Variants in PCDH15 observed in about 807,000 individuals in gnomAD.
The protein encoded by PCDH15 is protocadherin related 15, also known as protocadherin-15.
A neutral mutation model predicts 178.5 loss-of-function variants in PCDH15; 129 were observed. The observed-to-expected ratio is 0.72, with a 90% confidence interval of 0.63 to 0.84. The LOEUF (loss-of-function observed/expected upper bound fraction) is 0.84, where lower values mean the gene tolerates loss of function less well. Among genes scored for constraint, PCDH15 ranks in the 40% least tolerant of loss-of-function variants. The pLI is 0.00. For missense variants in PCDH15, 2,230 were observed against 2,099.9 expected, an observed-to-expected ratio of 1.06 and a Z score of -1.21; for synonymous variants, 800 against 732.0, an observed-to-expected ratio of 1.09 and a Z score of -1.50.
At chr10:55,103,581 G>A (rs1481235689) in intron 2 of PCDH15, among the ~76,000 whole-genome samples, 1 of 152,090 alleles carries the variant, frequency 6.6e-6, no homozygotes, top group Non-Finnish European at 1.5e-5. Flanking sequence ...TGGGCCTCAT[G>A]GCTTTTGCAG....
chr10:55,087,846 A>G (rs958204256), intron 2 of PCDH15, among the ~76,000 whole-genome samples: 4 of 152,168 alleles, frequency 2.6e-5, no homozygotes, highest in African/African-American at 9.6e-5. Context: ...TCATAGTGTA[A>G]TTCTACATGG....
chr10:55,222,215 T>G (rs1483595513), intron 1 of PCDH15, among the ~76,000 whole-genome samples: 1 of 151,964 alleles, frequency 6.6e-6, no homozygotes, highest in Admixed American at 6.6e-5. Context: ...TTTAACAACA[T>G]GCTTGTGAAA....
At chr10:55,334,220 C>CCA (rs1844293705) in intron 2 of PCDH15, among the ~76,000 whole-genome samples, 8 of 48,888 alleles carry the variant, frequency 1.6e-4, no homozygotes, top group South Asian at 1.3e-3. Flanking sequence ...CTAGGGTGCT[C>CCA]CATATATATA....
intron 20 of PCDH15, among the ~76,000 whole-genome samples, chr10:54,010,546 G>T (rs928814076): frequency 6.6e-6 from 1 of 152,152 alleles, no homozygotes; most frequent in Non-Finnish European, 1.5e-5. Context: ...TTCTATGCAG[G>T]TCTCTGCCTC....
intron 2 of PCDH15, among the ~76,000 whole-genome samples, chr10:55,527,232 A>G (rs1332617158): frequency 6.6e-6 from 1 of 152,056 alleles, no homozygotes; most frequent in Non-Finnish European, 1.5e-5. Context: ...TTACAAAAAG[A>G]GAAACATATT....
At chr10:54,620,939 A>C (rs2134425601) in intron 2 of PCDH15, among the ~76,000 whole-genome samples, 1 of 152,150 alleles carries the variant, frequency 6.6e-6, no homozygotes, top group Admixed American at 6.6e-5. Flanking sequence ...TTAATAAAGA[A>C]GTAAGAACAA....
At chr10:55,137,713 C>T (rs1245960121) in intron 2 of PCDH15, among the ~76,000 whole-genome samples, 1 of 152,076 alleles carries the variant, frequency 6.6e-6, no homozygotes, top group East Asian at 1.9e-4. Context: ...CAAGTATATA[C>T]CCCTCGGTCA....
At chr10:55,074,055 T>C (rs1195199335) in intron 2 of PCDH15, among the ~76,000 whole-genome samples, 1 of 152,138 alleles carries the variant, frequency 6.6e-6, no homozygotes, top group Non-Finnish European at 1.5e-5. Context: ...TTCTTTTCTA[T>C]GGCTGCATAG....
At chr10:53,810,502 T>C (rs746725931) in intron 37 of PCDH15, 54 bp downstream of exon 37, 69 of 1,514,720 alleles carry the variant, frequency 4.6e-5, no homozygotes, top group Non-Finnish European at 5.4e-5. Flanking sequence ...CACGTAGGGT[T>C]AAACAATATT....
chr10:54,928,910 T>C (rs528781547), intron 2 of PCDH15, among the ~76,000 whole-genome samples: 12 of 152,288 alleles, frequency 7.9e-5, no homozygotes, highest in Non-Finnish European at 1.5e-4. Flanking sequence ...CTATCCATAT[T>C]GTAAATTCTA....
At chr10:54,610,565 T>C (rs1382946384) in intron 2 of PCDH15, among the ~76,000 whole-genome samples, 1 of 151,952 alleles carries the variant, frequency 6.6e-6, no homozygotes, top group Non-Finnish European at 1.5e-5. Flanking sequence ...TTCCGTAATA[T>C]CTGAGGCTAG....
At chr10:54,741,996 G>A (rs563192013) in intron 1 of PCDH15, among the ~76,000 whole-genome samples, 2 of 152,086 alleles carry the variant, frequency 1.3e-5, no homozygotes, top group African/African-American at 2.4e-5. Flanking sequence ...CTAATGTTCT[G>A]CCTACTACAA....
At chr10:54,828,282 A>G (rs374174191) in intron 3 of PCDH15, among the ~76,000 whole-genome samples, 22 of 152,154 alleles carry the variant, frequency 1.4e-4, no homozygotes, top group East Asian at 9.7e-4. Flanking sequence ...AGACAGAGAA[A>G]GAGGAAATAA....
intron 3 of PCDH15, among the ~76,000 whole-genome samples, chr10:54,519,793 C>T (rs28884492): frequency 0.16 from 24,696 of 152,056 alleles, 2,311 homozygotes; most frequent in East Asian, 0.31. Context: ...GGAGGCATCA[C>T]GCTACCTGAC....
chr10:54,112,962 T>A lies in PCDH15; in HGVS notation c.1917+19913A>T, dbSNP rs139971544. ...TGAGAAAAGTTTGGTATTTCAAATC[T>A]GAAAATGATTTAAGCTTACTGGGGA... On this transcript the variant is annotated intron_variant, in intron 15 of 37. Coordinates refer to ENST00000644397, the MANE Select transcript of PCDH15 (RefSeq NM_001384140.1). Among the ~76,000 whole-genome samples, 481 of 152,282 alleles carry A rather than the reference T, an allele frequency of 3.2e-3. 1 individual carries two copies. Among genetic ancestry groups the A allele is most frequent in the Middle Eastern group, 0.017 (5 of 294 alleles).
intron 2 of PCDH15, among the ~76,000 whole-genome samples, chr10:55,502,839 CT>C (rs981995383): frequency 5.9e-5 from 9 of 151,398 alleles, no homozygotes; most frequent in East Asian, 2.0e-4. Context: ...ACTTGTTATT[CT>C]TTTTTTTCGT....
chr10:54,031,822 CAAAG>C lies in PCDH15; in HGVS notation c.2221-8629_2221-8626del, dbSNP rs530195950. On this transcript the variant is annotated intron_variant, in intron 18 of 37. Coordinates refer to ENST00000644397, the MANE Select transcript of PCDH15 (RefSeq NM_001384140.1). ...TGTTGTCATGTTCACGCTCATACAGCAAAGAAAGAAAGTAATGTTGTTTCATGTT... is the reference window on the plus strand; with the variant it reads ...TGTTGTCATGTTCACGCTCATACAGCAAAGAAAGTAATGTTGTTTCATGTT... Among the ~76,000 whole-genome samples the C allele has an allele frequency of 2.3e-3, 347 of 152,092 alleles. 3 individuals are homozygous for C. Among genetic ancestry groups the C allele is most frequent in the African/African-American group, 7.9e-3 (328 of 41,498 alleles).
In PCDH15 at chr10:54,420,237, G is replaced by A. The variant is rs200394693; in HGVS notation, c.158-41295C>T. On this transcript the variant is annotated intron_variant, in intron 3 of 37. Coordinates refer to ENST00000644397, the MANE Select transcript of PCDH15 (RefSeq NM_001384140.1). ...GCTTTATTTCAAAGAATGAAAAACC[G>A]GAAAAATAGTTCCTTCCTAACTTCC... is the stretch of plus-strand genomic sequence containing the variant. Among the ~76,000 whole-genome samples the A allele has an allele frequency of 8.5e-5, 13 of 152,086 alleles. No homozygotes were observed. In the East Asian group the frequency reaches 1.7e-3, roughly 20 times the overall value.
chr10:55,581,674 T>C (rs556206523), intron 2 of PCDH15, among the ~76,000 whole-genome samples: 1 of 152,272 alleles, frequency 6.6e-6, no homozygotes, highest in South Asian at 2.1e-4. Flanking sequence ...TATTAAGGTA[T>C]ATTAATAAAA....
Sources: gnomAD v4.1 joint callset for allele counts (sites outside exome capture counted in the v4.1 genomes callset) on GRCh38, gnomAD v4.1.1 for gene constraint, MANE v1.5 for transcripts, NCBI Gene and HGNC (gene_info 2026-07-23, HGNC 2026-07-21) for gene names.